GEMIN2: variants seen among roughly 807,000 people sequenced by gnomAD.
GEMIN2 encodes gem-associated protein 2.
A neutral mutation model predicts 45.8 loss-of-function variants in GEMIN2; 37 were observed. The observed-to-expected ratio is 0.81, with a 90% confidence interval of 0.62 to 1.06. GEMIN2 has a LOEUF of 1.06. Ranked by LOEUF, GEMIN2 falls within the 50% of genes least tolerant of loss-of-function variation. GEMIN2 has a pLI of 0.00. For missense variants in GEMIN2, 335 were observed against 321.8 expected (o/e 1.04, Z -0.31); for synonymous variants, 101 against 111.5 (o/e 0.91, Z 0.60).
intron 9 of GEMIN2, among the ~76,000 whole-genome samples, chr14:39,134,613 A>G (rs189932136): frequency 2.0e-5 from 3 of 152,306 alleles, no homozygotes; most frequent in Non-Finnish European, 4.4e-5. Context: ...GATCTACAAT[A>G]ATTATGCTGC....
At chr14:39,129,119 T>A (rs2139352518) in intron 7 of GEMIN2, among the ~76,000 whole-genome samples, 1 of 152,274 alleles carries the variant, frequency 6.6e-6, no homozygotes, top group South Asian at 2.1e-4. Context: ...TGAGACCCTA[T>A]CTTAAGAAAT....
rs534357323 is a variant in GEMIN2, at chr14:39,119,888, A to T, written c.372+1289A>T. On this transcript the variant is annotated intron_variant, in intron 4 of 9. Coordinates refer to ENST00000308317, the MANE Select transcript of GEMIN2 (RefSeq NM_003616.3). ...ATGCGCACATAAACACACAAAAGGTATGCTTAAGGTTCAAACCCAAGTTGG... is the reference window on the plus strand; with the variant it reads ...ATGCGCACATAAACACACAAAAGGTTTGCTTAAGGTTCAAACCCAAGTTGG... 2.0e-5 allele frequency among the ~76,000 whole-genome samples: 3 copies of T among 152,382 alleles called. No individual in the cohort carries two copies. The South Asian group carries it at 6.2e-4, about 32-fold the overall frequency.
At chr14:39,118,734 C>A in intron 4 of GEMIN2, 135 bp downstream of exon 4, 6 of 432,456 alleles carry the variant, frequency 1.4e-5, no homozygotes, top group Non-Finnish European at 1.3e-5. Context: ...TTAATAGTAA[C>A]AATTCATTAC....
At position 39,130,895 on chromosome 14, in the gene GEMIN2, G is replaced by GA. The variant is rs796388488; in HGVS notation, c.601-1053dup. ...GGATGACAGAACGAGACTCCATCTC[G>GA]AAAAAAAAAAGAAAAAGGACAAAAA... On this transcript the variant is annotated intron_variant, in intron 7 of 9. Coordinates refer to ENST00000308317, the MANE Select transcript of GEMIN2 (RefSeq NM_003616.3). 4.4e-3 allele frequency among the ~76,000 whole-genome samples: 608 copies of GA among 138,968 alleles called. 4 individuals are homozygous for GA. Among genetic ancestry groups the GA allele is most frequent in the African/African-American group, 0.014 (519 of 37,802 alleles). The allele number at this position is 138,968 out of a possible 152,430, so 91.2% of individuals were successfully genotyped here.
chr14:39,122,359 TTC>T (rs2139340322), intron 4 of GEMIN2, 69 bp from the exon 5 acceptor site: 1 of 765,174 alleles, frequency 1.3e-6, no homozygotes, highest in East Asian at 2.7e-5. Flanking sequence ...AGGACTTAAC[TTC>T]TTTTTTTTTA....
intron 9 of GEMIN2, 134 bp from the exon 10 acceptor site, chr14:39,136,306 T>A (rs1422342983): frequency 3.3e-6 from 2 of 604,870 alleles, no homozygotes; most frequent in African/African-American, 3.7e-5. Context: ...AATTTTCCAC[T>A]ATGTAGACAT....
In GEMIN2 at chr14:39,114,368, G is replaced by A. The variant is rs2052473146; in HGVS notation, c.30G>A (p.Val10=). ...CGTGGGTACCAGCGGAGTCCGCAGT[G>A]GAAGAGTTGATGCCTCGGCTATTGC... MAWVPAESA[V]EELMPRLLPV... The change falls in exon 1 of 10, where the codon GTG becomes GTA. Residue 10 remains valine, a synonymous_variant. Transcript: ENST00000308317. The A allele has an allele frequency of 6.2e-7, 1 of 1,613,890 alleles. No individual in the cohort carries two copies. Among genetic ancestry groups the A allele is most frequent in the Non-Finnish European group, 8.5e-7 (1 of 1,179,724 alleles).
intron 6 of GEMIN2, among the ~76,000 whole-genome samples, chr14:39,127,448 T>C (rs569115634): frequency 2.5e-4 from 37 of 147,648 alleles, no homozygotes; most frequent in Non-Finnish European, 5.2e-4. Context: ...GTTCAAGGGA[T>C]TCCCCGGCCT....
chr14:39,136,752 A>G lies in GEMIN2; in HGVS notation c.*273A>G. On this transcript the variant is annotated 3_prime_UTR_variant, in exon 10 of 10. Coordinates refer to ENST00000308317, the MANE Select transcript of GEMIN2 (RefSeq NM_003616.3). The stretch of plus-strand genomic sequence containing the variant: ...CATAGAAATTGTATGATGAAATTTT[A>G]CATAGGTTCTTGGTGCTGTTTTGTT... 2.9e-6 allele frequency: 1 copy of G among 346,178 alleles called. No homozygotes were observed. The highest frequency in any genetic ancestry group is 5.2e-6 in the Non-Finnish European group (1 of 192,898). The allele number at this position is 346,178 out of a possible 1,614,324, so 21.4% of individuals were successfully genotyped here.
chr14:39,133,334 TTCA>T (rs1020501942), intron 8 of GEMIN2, among the ~76,000 whole-genome samples: 1 of 148,580 alleles, frequency 6.7e-6, no homozygotes, highest in African/African-American at 2.5e-5. Context: ...TATATATATA[TTCA>T]TCACTGTACA....
At chr14:39,125,158 G>A in intron 6 of GEMIN2, 122 bp downstream of exon 6, 1 of 594,274 alleles carries the variant, frequency 1.7e-6, no homozygotes, top group East Asian at 2.6e-5. Context: ...GCTCTTTAAT[G>A]GTTCTTATTT....
At position 39,128,263 on chromosome 14, in the gene GEMIN2, C is replaced by T; in HGVS notation, c.532-17C>T. 1 of 1,411,194 alleles carries T rather than the reference C, an allele frequency of 7.1e-7. No individual in the cohort carries two copies. Among genetic ancestry groups the T allele is most frequent in the East Asian group, 2.3e-5 (1 of 43,766 alleles). The allele number at this position is 1,411,194 out of a possible 1,614,324, so 87.4% of individuals were successfully genotyped here. A position where few individuals can be genotyped will look rare whatever the true frequency, so the allele number is the denominator to read the frequency against. ...TTATTAATACAACTCTTCTCCACCC[C>T]CTCTTTTTTTTTTTAGGCAACAGTA... is the stretch of plus-strand genomic sequence containing the variant. On this transcript the variant is annotated splice_polypyrimidine_tract_variant and intron_variant, in intron 6 of 9. Coordinates refer to ENST00000308317, the MANE Select transcript of GEMIN2 (RefSeq NM_003616.3).
intron 8 of GEMIN2, among the ~76,000 whole-genome samples, chr14:39,133,189 G>GAA (rs1050246765): frequency 6.9e-6 from 1 of 144,630 alleles, no homozygotes; most frequent in African/African-American, 2.5e-5. Flanking sequence ...GCATTATATA[G>GAA]AGGAACAATA....
intron 4 of GEMIN2, among the ~76,000 whole-genome samples, chr14:39,121,011 G>GCGTCCTGCTTTT (rs1264184292): frequency 6.6e-6 from 1 of 152,178 alleles, no homozygotes; most frequent in Non-Finnish European, 1.5e-5. Flanking sequence ...AAATAGTCCT[G>GCGTCCTGCTTTT]CGTCCTGCTT....
In GEMIN2 at chr14:39,114,363, G is replaced by A. The variant is rs199633961; in HGVS notation, c.25G>A (p.Ala9Thr). Residue 9 changes from alanine (A) to threonine (T), a missense_variant, in exon 1 of 10, where the codon GCA (alanine) becomes ACA (threonine). Transcript: ENST00000308317. MAWVPAES[A>T]VEELMPRLLP... Reference sequence around the variant, plus strand: ...CATGGCGTGGGTACCAGCGGAGTCCGCAGTGGAAGAGTTGATGCCTCGGCT... The same window carrying A: ...CATGGCGTGGGTACCAGCGGAGTCCACAGTGGAAGAGTTGATGCCTCGGCT... 3.1e-6 allele frequency: 5 copies of A among 1,613,632 alleles called. No individual in the cohort carries two copies. In the East Asian group the frequency reaches 8.9e-5, roughly 29 times the overall value.
intron 4 of GEMIN2, chr14:39,121,761 T>C (rs1328977182): frequency 1.3e-5 from 2 of 154,214 alleles, no homozygotes; most frequent in Admixed American, 1.3e-4. Context: ...TTGCCCAGGC[T>C]AGAGTGCAAT....
intron 6 of GEMIN2, among the ~76,000 whole-genome samples, chr14:39,125,568 G>C (rs1008697901): frequency 1.3e-4 from 20 of 151,438 alleles, no homozygotes; most frequent in African/African-American, 4.4e-4. Flanking sequence ...GCCTCCCAAA[G>C]TGCTGGAATT....
chr14:39,129,934 G>GTTTTTTTTTT (rs34165330), intron 7 of GEMIN2, among the ~76,000 whole-genome samples: 3 of 61,432 alleles, frequency 4.9e-5, no homozygotes, highest in East Asian at 5.6e-4. Context: ...AGACAAGTTT[G>GTTTTTTTTTT]TTTTTTTTTT....
In GEMIN2 at chr14:39,114,444, A is replaced by C. The variant is rs748130147; in HGVS notation, c.106A>C (p.Arg36=). 5.0e-6 allele frequency: 8 copies of C among 1,613,742 alleles called. No homozygotes were observed. The African/African-American group carries it at 9.3e-5, about 19-fold the overall frequency. The part of the protein sequence containing the change: ...TEGFDPSVPP[R]TPQEYLRRVQ... Reference sequence around the variant, plus strand: ...AGGTTTCGATCCCTCGGTACCCCCGAGGACGCCTCAGGAATACCTGAGGCG... The same window carrying C: ...AGGTTTCGATCCCTCGGTACCCCCGCGGACGCCTCAGGAATACCTGAGGCG... The change falls in exon 1 of 10, where the codon AGG becomes CGG. Residue 36 remains arginine, a synonymous_variant. Transcript: ENST00000308317.
Sources: gnomAD v4.1 joint callset for allele counts (sites outside exome capture counted in the v4.1 genomes callset) on GRCh38, gnomAD v4.1.1 for gene constraint, MANE v1.5 for transcripts, NCBI Gene and HGNC (gene_info 2026-07-23, HGNC 2026-07-21) for gene names.